COG1: variants seen among roughly 807,000 people sequenced by gnomAD.
COG1 encodes conserved oligomeric Golgi complex subunit 1.
A neutral mutation model predicts 102.2 loss-of-function variants in COG1; 61 were observed. The observed-to-expected ratio is 0.60, with a 90% CI of 0.49 to 0.74. COG1 has a LOEUF of 0.74. Among genes scored for constraint, COG1 ranks in the 30% least tolerant of loss-of-function variants. COG1 has a pLI of 0.00. For missense variants in COG1, 1,164 were observed against 1,232.1 expected (o/e 0.94, Z 0.83); for synonymous variants, 454 against 493.6 (o/e 0.92, Z 1.06).
At chr17:73,208,052 C>T in intron 13 of COG1, 1 of 1,374,852 alleles carries the variant, frequency 7.3e-7, no homozygotes, top group African/African-American at 1.5e-5. Flanking sequence ...ATTAGGTTAG[C>T]AGGCTGTGGA....
rs746758987 is a variant in COG1 at position 73,203,699 on chromosome 17, C to T, written c.2288C>T (p.Ala763Val). 3.1e-6 allele frequency: 5 copies of T among 1,614,190 alleles called. No individual in the cohort carries two copies. The East Asian group carries it at 1.1e-4, about 36-fold the overall frequency. ...GAAATTAATCGGGTTGGAGGCCATGCCTTGCCAAAGGTGACATTACAGGAG... is the reference window on the plus strand; with the variant it reads ...GAAATTAATCGGGTTGGAGGCCATGTCTTGCCAAAGGTGACATTACAGGAG... ...CQEINRVGGH[A>V]LPKVTLQEML... is the part of the protein sequence containing the mutation. The change falls in exon 9 of 14, where the codon GCC becomes GTC. Residue 763 changes from alanine to valine, a missense_variant. By Grantham distance (64) the Ala-to-Val change is moderately conservative. Transcript: ENST00000299886.
At chr17:73,207,393 CA>C in intron 13 of COG1, 137 bp downstream of exon 13, 2 of 861,940 alleles carry the variant, frequency 2.3e-6, no homozygotes, top group South Asian at 2.8e-5. Flanking sequence ...AATGGCGGCG[CA>C]ATAGAGAAGT....
intron 13 of COG1, 193 bp downstream of exon 13, chr17:73,207,449 C>T (rs781076308): frequency 1.6e-5 from 11 of 703,096 alleles, no homozygotes; most frequent in Non-Finnish European, 2.5e-5. Context: ...TAAAAGATGC[C>T]CGCTGACACT....
In COG1 at chr17:73,197,290, T is replaced by A; in HGVS notation, c.807T>A (p.Ala269=). Residue 269 remains alanine (A), a synonymous_variant, in exon 4 of 14, where the codon GCT becomes GCA. Coordinates refer to ENST00000299886, the MANE Select transcript of COG1 (RefSeq NM_018714.3). Reference sequence around the variant, plus strand: ...TGCTGGCCACCACTCTGAAGCAAGCTCATGCCCTTTTCTACACTTTGCCAG... The same window carrying A: ...TGCTGGCCACCACTCTGAAGCAAGCACATGCCCTTTTCTACACTTTGCCAG... The part of the protein sequence containing the change: ...VELLATTLKQ[A]HALFYTLPEG... 6.2e-7 allele frequency: 1 copy of A among 1,614,224 alleles called. No individual in the cohort carries two copies.
intron 13 of COG1, chr17:73,207,587 C>A: frequency 2.4e-6 from 2 of 828,434 alleles, no homozygotes; most frequent in African/African-American, 3.5e-5. Context: ...TGGAGAAAAT[C>A]TGTTTTGTTC....
chr17:73,201,807 C>T lies in COG1; in HGVS notation c.1980C>T (p.Ile660=), dbSNP rs773468672. ...AGGGAAAGGTGAAAACTCAGGAAAT[C>T]ATTCCTACACAGGCCAAGTGGCAAG... ...RKQGKVKTQE[I]IPTQAKWQEV... The change falls in exon 7 of 14, where the codon ATC becomes ATT. Residue 660 remains isoleucine, a synonymous_variant. Transcript: ENST00000299886. 6.2e-7 allele frequency: 1 copy of T among 1,614,184 alleles called. No individual in the cohort carries two copies. The highest frequency in any genetic ancestry group is 1.1e-5 in the South Asian group (1 of 91,076).
intron 11 of COG1, 36 bp downstream of exon 11, chr17:73,206,298 AGC>A: frequency 6.7e-7 from 1 of 1,499,948 alleles, no homozygotes; most frequent in Non-Finnish European, 9.3e-7. Context: ...GTGCGAACGA[AGC>A]GATACAGGCT....
intron 1 of COG1, among the ~76,000 whole-genome samples, chr17:73,194,625 G>A (rs1228142876): frequency 6.6e-6 from 1 of 151,664 alleles, no homozygotes; most frequent in African/African-American, 2.4e-5. Context: ...CACCATGTCC[G>A]ACTAATTTTT....
chr17:73,203,915 C>A, intron 9 of COG1, 122 bp downstream of exon 9: 4 of 1,106,074 alleles, frequency 3.6e-6, no homozygotes, highest in Non-Finnish European at 4.1e-6. Flanking sequence ...CCAGCCCAGG[C>A]ATCGGGTCCT....
intron 13 of COG1, chr17:73,207,484 G>T (rs2061383453): frequency 9.2e-6 from 6 of 649,104 alleles, no homozygotes; most frequent in Non-Finnish European, 1.6e-5. Flanking sequence ...TAATAGAAAT[G>T]TAGAAAATAT....
At chr17:73,205,713 G>A (rs771526205) in intron 10 of COG1, 33 bp downstream of exon 10, 11 of 1,612,426 alleles carry the variant, frequency 6.8e-6, no homozygotes, top group Admixed American at 1.7e-5. Context: ...ATGTCAAGGC[G>A]GTCTCTTCCA....
chr17:73,201,950 C>T (rs769093841), intron 7 of COG1, 50 bp downstream of exon 7: 2 of 1,540,898 alleles, frequency 1.3e-6, no homozygotes, highest in Non-Finnish European at 1.8e-6. Flanking sequence ...CTGTCATATT[C>T]CAGTCTTGCC....
In COG1 at chr17:73,193,055, G is replaced by A. The variant is rs1477889829; in HGVS notation, c.-15G>A. On this transcript the variant is annotated 5_prime_UTR_variant, in exon 1 of 14. Transcript: ENST00000299886. Reference sequence around the variant, plus strand: ...AAAGGGCGTAGGTAGATCGCCGGGGGCTGACGAGTGCACCATGGCCACCGC... The same window carrying A: ...AAAGGGCGTAGGTAGATCGCCGGGGACTGACGAGTGCACCATGGCCACCGC... The A allele has an allele frequency of 2.5e-6, 4 of 1,611,322 alleles. No homozygotes were observed. Among genetic ancestry groups the A allele is most frequent in the Non-Finnish European group, 3.4e-6 (4 of 1,179,482 alleles).
intron 8 of COG1, 171 bp downstream of exon 8, chr17:73,203,317 C>A: frequency 1.2e-6 from 1 of 865,720 alleles, no homozygotes; most frequent in Non-Finnish European, 1.8e-6. Flanking sequence ...GCAGACTGTT[C>A]AAGAAGTCAG....
chr17:73,201,600 C>G lies in COG1; in HGVS notation c.1773C>G (p.Ser591Arg). Residue 591 changes from serine to arginine, a missense_variant, in exon 7 of 14, where the codon AGC (serine) becomes AGG (arginine). Ser to Arg is a moderately radical substitution (Grantham distance 110, BLOSUM62 -1). Coordinates refer to ENST00000299886, the MANE Select transcript of COG1 (RefSeq NM_018714.3). ...ACTGCATCCGGGCAGAGCTACAGAG[C>G]ATTGAAGAGGGTGTGCAAGGGCAAC... Reference protein sequence around the residue: ...IVDCIRAELQSIEEGVQGQQD... With the variant: ...IVDCIRAELQRIEEGVQGQQD... The G allele has an allele frequency of 6.2e-7, 1 of 1,614,218 alleles. No individual in the cohort carries two copies. Among genetic ancestry groups the G allele is most frequent in the East Asian group, 2.2e-5 (1 of 44,882 alleles).
rs1338535843 is a variant in COG1 at position 73,203,695 on chromosome 17, C to T, written c.2284C>T (p.His762Tyr). The change falls in exon 9 of 14, where the codon CAT becomes TAT. Residue 762 changes from histidine (H) to tyrosine (Y), a missense_variant. Coordinates refer to ENST00000299886, the MANE Select transcript of COG1 (RefSeq NM_018714.3). Reference sequence around the variant, plus strand: ...CCAGGAAATTAATCGGGTTGGAGGCCATGCCTTGCCAAAGGTGACATTACA... The same window carrying T: ...CCAGGAAATTAATCGGGTTGGAGGCTATGCCTTGCCAAAGGTGACATTACA... ...LCQEINRVGG[H>Y]ALPKVTLQEM... 1 of 1,614,212 alleles carries T rather than the reference C, an allele frequency of 6.2e-7. No homozygotes were observed. The highest frequency in any genetic ancestry group is 1.3e-5 in the African/African-American group (1 of 75,054).
rs1465154599 is a variant in COG1, at chr17:73,208,462, C to T, written c.*11C>T. 2.5e-6 allele frequency: 4 copies of T among 1,613,656 alleles called. No homozygotes were observed. Among genetic ancestry groups the T allele is most frequent in the Non-Finnish European group, 3.4e-6 (4 of 1,179,666 alleles). ...AGTATGACTAAGTAACATGGCAACA[C>T]ATCTGTCTCTCCCTAAATAAATACT... On this transcript the variant is annotated 3_prime_UTR_variant, in exon 14 of 14. Coordinates refer to ENST00000299886, the MANE Select transcript of COG1 (RefSeq NM_018714.3).
At chr17:73,207,806 C>T in intron 13 of COG1, 6 of 1,284,614 alleles carry the variant, frequency 4.7e-6, no homozygotes, top group Non-Finnish European at 6.1e-6. Flanking sequence ...CTTACAGCAT[C>T]GAGTTGTTTG....
intron 7 of COG1, among the ~76,000 whole-genome samples, chr17:73,202,101 G>C (rs2061349486): frequency 6.6e-6 from 1 of 152,152 alleles, no homozygotes; most frequent in African/African-American, 2.4e-5. Flanking sequence ...ACTTTGGGAG[G>C]CCAAGATGGG....
Sources: allele counts gnomAD v4.1 joint callset (sites outside exome capture counted in the v4.1 genomes callset), GRCh38; gene constraint gnomAD v4.1.1; transcripts MANE v1.5; gene names NCBI Gene and HGNC (gene_info 2026-07-23, HGNC 2026-07-21).